SNX1: variants seen among roughly 807,000 people sequenced by gnomAD.
SNX1 encodes sorting nexin-1.
In SNX1, 36 loss-of-function variants were observed where a neutral mutation model predicts 71.8. The ratio of observed to expected loss-of-function variants is 0.50; its 90% confidence interval spans 0.38 to 0.66. SNX1 has a LOEUF of 0.66. SNX1 is among the 30% of genes least tolerant of loss of function. The probability of loss-of-function intolerance (pLI) is 0.00; values close to 1 mark genes in which losing one functional copy is unlikely to be tolerated. For synonymous variants in SNX1, 254 were observed against 240.7 expected (o/e 1.06, Z -0.51); for missense variants, 612 against 646.7 (o/e 0.95, Z 0.58).
Position 64,122,772 on chromosome 15 carries a change from G to GTC in SNX1, c.467-731_467-730insTC, listed in dbSNP as rs1326462626. On this transcript the variant is annotated intron_variant, in intron 4 of 14. Transcript: ENST00000559844. ...CAGAATATGTCTTTTCAGTGCTCAGGATATCAATGGCATCTTTATCTCCTT... is the reference window on the plus strand; with the variant it reads ...CAGAATATGTCTTTTCAGTGCTCAGGTCATATCAATGGCATCTTTATCTCCTT... Among the ~76,000 whole-genome samples, 8 of 152,190 alleles carry GTC rather than the reference G, an allele frequency of 5.3e-5. No individual in the cohort carries two copies. In the East Asian group the frequency reaches 1.3e-3, roughly 26 times the overall value.
At chr15:64,102,965 C>T (rs1049053301) in intron 1 of SNX1, among the ~76,000 whole-genome samples, 1 of 151,836 alleles carries the variant, frequency 6.6e-6, no homozygotes, top group Non-Finnish European at 1.5e-5. Context: ...CGGGGTTTTG[C>T]CACGTTGCCT....
intron 12 of SNX1, among the ~76,000 whole-genome samples, chr15:64,135,757 CA>C (rs573541153): frequency 0.055 from 5,966 of 108,498 alleles, 140 homozygotes; most frequent in South Asian, 0.11. Context: ...GACTCTGTCT[CA>C]AAAAAAAAAA....
In SNX1 at chr15:64,111,902, G is replaced by A. The variant is rs994907694; in HGVS notation, c.160-671G>A. 3.9e-5 allele frequency among the ~76,000 whole-genome samples: 6 copies of A among 152,142 alleles called. No homozygotes were observed. The East Asian group carries it at 5.8e-4, about 15-fold the overall frequency. Reference sequence around the variant, plus strand: ...GGGACCCACCCCACCCTTGTTTGCCGCTGATCACTGAGCTTTGAATAAAGG... The same window carrying A: ...GGGACCCACCCCACCCTTGTTTGCCACTGATCACTGAGCTTTGAATAAAGG... On this transcript the variant is annotated intron_variant, in intron 1 of 14. Coordinates refer to ENST00000559844, the MANE Select transcript of SNX1 (RefSeq NM_003099.5).
At chr15:64,115,431 G>C (rs2081118790) in intron 2 of SNX1, among the ~76,000 whole-genome samples, 1 of 152,186 alleles carries the variant, frequency 6.6e-6, no homozygotes, top group South Asian at 2.1e-4. Context: ...GTGATGATCA[G>C]AGTCTCTCAT....
intron 12 of SNX1, 105 bp from the exon 13 acceptor site, chr15:64,136,225 A>G: frequency 8.3e-6 from 7 of 847,968 alleles, no homozygotes; most frequent in Non-Finnish European, 1.4e-5. Context: ...ACAGACAGAC[A>G]TAATGATCAA....
At chr15:64,096,543 T>C (rs1050863570) in intron 1 of SNX1, among the ~76,000 whole-genome samples, 1 of 152,212 alleles carries the variant, frequency 6.6e-6, no homozygotes, top group Non-Finnish European at 1.5e-5. Flanking sequence ...ATGCAGACCT[T>C]TCCCCCGTCT....
intron 11 of SNX1, among the ~76,000 whole-genome samples, chr15:64,132,862 G>C (rs1369390606): frequency 6.6e-6 from 1 of 152,194 alleles, no homozygotes; most frequent in Non-Finnish European, 1.5e-5. Flanking sequence ...TATTTGGTTT[G>C]CTGCTAACTC....
intron 8 of SNX1, among the ~76,000 whole-genome samples, chr15:64,128,574 C>T (rs1323068940): frequency 1.3e-5 from 2 of 152,092 alleles, no homozygotes; most frequent in Non-Finnish European, 2.9e-5. Context: ...GTATGTGTTA[C>T]TCCAGTGAAG....
At chr15:64,113,756 A>G (rs2081101099) in intron 2 of SNX1, among the ~76,000 whole-genome samples, 2 of 152,184 alleles carry the variant, frequency 1.3e-5, no homozygotes, top group South Asian at 4.1e-4. Flanking sequence ...TGGAGGTGGA[A>G]GTTGCAGTGA....
chr15:64,131,674 T>G lies in SNX1; in HGVS notation c.1016-13T>G. The G allele has an allele frequency of 6.2e-7, 1 of 1,613,108 alleles. No individual in the cohort carries two copies. Among genetic ancestry groups the G allele is most frequent in the Non-Finnish European group, 8.5e-7 (1 of 1,179,518 alleles). ...AGATCAGAGAGGCCTCTGCTGTCTT[T>G]TCCTCCTTCCAGAGCTAGCGCTGAA... On this transcript the variant is annotated splice_polypyrimidine_tract_variant and intron_variant, in intron 10 of 14. Coordinates refer to ENST00000559844, the MANE Select transcript of SNX1 (RefSeq NM_003099.5).
At chr15:64,101,231 T>C (rs761500956) in intron 1 of SNX1, among the ~76,000 whole-genome samples, 1 of 152,230 alleles carries the variant, frequency 6.6e-6, no homozygotes, top group Non-Finnish European at 1.5e-5. Flanking sequence ...GATCCAAAAC[T>C]TCCTCATTTT....
intron 8 of SNX1, among the ~76,000 whole-genome samples, chr15:64,128,628 A>G (rs963410187): frequency 7.9e-5 from 12 of 152,180 alleles, no homozygotes; most frequent in African/African-American, 2.4e-4. Flanking sequence ...CTCTAAAATG[A>G]AATGTTTTCA....
At chr15:64,137,196 C>T (rs1261331081) in intron 14 of SNX1, among the ~76,000 whole-genome samples, 1 of 152,240 alleles carries the variant, frequency 6.6e-6, no homozygotes, top group Non-Finnish European at 1.5e-5. Flanking sequence ...TAACTGCTTA[C>T]CCTTCGAGGA....
At position 64,143,774 on chromosome 15, in the gene SNX1, G is replaced by C. The variant is rs1440424771; in HGVS notation, c.*6156G>C. The C allele has an allele frequency of 6.6e-6, 1 of 152,216 alleles. No individual in the cohort carries two copies. The highest frequency in any genetic ancestry group is 1.5e-5 in the Non-Finnish European group (1 of 68,044). 9.4% of individuals were successfully genotyped at this position (152,216 alleles called of 1,614,324 possible). ...GTAAGGAGATGTGAAGCATTTGCCTGTGTGTCAGAACATTCACTGAGGATC... is the reference window on the plus strand; with the variant it reads ...GTAAGGAGATGTGAAGCATTTGCCTCTGTGTCAGAACATTCACTGAGGATC... On this transcript the variant is annotated 3_prime_UTR_variant, in exon 15 of 15. Coordinates refer to ENST00000559844, the MANE Select transcript of SNX1 (RefSeq NM_003099.5).
intron 4 of SNX1, among the ~76,000 whole-genome samples, chr15:64,120,897 T>C (rs2081190960): frequency 6.6e-6 from 1 of 152,190 alleles, no homozygotes. Context: ...TTTCCCAGAC[T>C]GTTGGACTGG....
chr15:64,127,860 C>A, intron 8 of SNX1, 54 bp downstream of exon 8: 1 of 1,374,104 alleles, frequency 7.3e-7, no homozygotes, highest in Non-Finnish European at 1.0e-6. Flanking sequence ...CCTAGTGAAA[C>A]GAAACTAGTT....
intron 7 of SNX1, 92 bp from the exon 8 acceptor site, chr15:64,127,639 C>T: frequency 1.1e-6 from 1 of 886,242 alleles, no homozygotes; most frequent in Non-Finnish European, 1.8e-6. Flanking sequence ...ACAAAAAGTA[C>T]AGAAGACATG....
chr15:64,130,071 C>T, intron 9 of SNX1, 42 bp downstream of exon 9: 2 of 1,529,806 alleles, frequency 1.3e-6, no homozygotes, highest in Non-Finnish European at 1.8e-6. Flanking sequence ...ACACCTCAGG[C>T]TTATGGGTCA....
rs780446322 is a variant in SNX1, at chr15:64,138,325, C to CT, written c.*723dup. 0.38 allele frequency: 209,696 copies of CT among 547,358 alleles called. 25,863 individuals are homozygous for CT. The highest frequency in any genetic ancestry group is 0.48 in the Admixed American group (11,550 of 24,286). 33.9% of individuals were successfully genotyped at this position (547,358 alleles called of 1,614,324 possible). ...AAGGAGGCAGAGACTTTCTCTCTCT[C>CT]TTTTTTTTTTTTTTTTGGTGTCCCT... is the stretch of plus-strand genomic sequence containing the variant. On this transcript the variant is annotated 3_prime_UTR_variant, in exon 15 of 15. Transcript: ENST00000559844.
Sources: allele counts gnomAD v4.1 joint callset (sites outside exome capture counted in the v4.1 genomes callset), GRCh38; gene constraint gnomAD v4.1.1; transcripts MANE v1.5; gene names NCBI Gene and HGNC (gene_info 2026-07-23, HGNC 2026-07-21).